The following SLC25A53 variants were observed in gnomAD, a reference collection of about 807,000 sequenced individuals.
The protein encoded by SLC25A53 is solute carrier family 25 member 53, also known as mitochondrial carrier triple repeat protein 6.
In SLC25A53, 5 loss-of-function variants were observed where a neutral mutation model predicts 15.0. The observed-to-expected ratio is 0.33, with a 90% CI of 0.17 to 0.70. The LOEUF (loss-of-function observed/expected upper bound fraction) is 0.70, where lower values mean the gene tolerates loss of function less well. Among genes scored for constraint, SLC25A53 ranks in the 30% least tolerant of loss-of-function variants. The pLI is 0.67. For missense variants in SLC25A53, 216 were observed against 241.6 expected, an observed-to-expected ratio of 0.89 and a Z score of 0.70; for synonymous variants, 95 against 100.0, an observed-to-expected ratio of 0.95 and a Z score of 0.30.
chrX:104,144,458 G>A (rs930313029), intron 1 of SLC25A53, among the ~76,000 whole-genome samples: 3 of 111,136 alleles, frequency 2.7e-5, no homozygotes, highest in Non-Finnish European at 5.7e-5. Flanking sequence ...CCTAGTCTCT[G>A]ATAAAACAGA....
chrX:104,129,856 A>ATGTGTGTG lies in SLC25A53; in HGVS notation c.-31-24569_-31-24568insCACACACA, dbSNP rs1396046247. Among the ~76,000 whole-genome samples, 4 of 50,431 alleles carry ATGTGTGTG rather than the reference A, an allele frequency of 7.9e-5. No individual in the cohort carries two copies. The East Asian group carries it at 2.4e-3, about 31-fold the overall frequency. 43.8% of individuals were successfully genotyped at this position (50,431 alleles called of 115,157 possible). A position where few individuals can be genotyped will look rare whatever the true frequency, so the allele number is the denominator to read the frequency against. ...TACAAACACATATATATCCACACAA[A>ATGTGTGTG]TGTATGTGTGTGTGTGTGTGTGTGT... On this transcript the variant is annotated intron_variant, in intron 1 of 1. Coordinates refer to ENST00000594199, the MANE Select transcript of SLC25A53 (RefSeq NM_001012755.5).
At chrX:104,138,097 G>C (rs782127160) in intron 1 of SLC25A53, among the ~76,000 whole-genome samples, 1 of 111,949 alleles carries the variant, frequency 8.9e-6, no homozygotes, top group Admixed American at 9.5e-5. Context: ...TTTATGGCTA[G>C]ACTCAGAGAT....
At chrX:104,142,920 CAAAAAAAAA>C (rs1216011123) in intron 1 of SLC25A53, among the ~76,000 whole-genome samples, 2 of 33,966 alleles carry the variant, frequency 5.9e-5, no homozygotes, top group Non-Finnish European at 1.1e-4. Context: ...GACTCCATCT[CAAAAAAAAA>C]AAAAAAAAAA....
intron 1 of SLC25A53, among the ~76,000 whole-genome samples, chrX:104,141,403 G>T (rs2075450459): frequency 1.8e-5 from 2 of 111,852 alleles, no homozygotes; most frequent in East Asian, 2.8e-4. Flanking sequence ...AAAGAAAAAT[G>T]TAAAACTCCT....
chrX:104,129,855 A>AATGT (rs1441117272), intron 1 of SLC25A53, among the ~76,000 whole-genome samples: 2 of 53,943 alleles, frequency 3.7e-5, no homozygotes, highest in Admixed American at 2.7e-4. Flanking sequence ...TATCCACACA[A>AATGT]ATGTATGTGT....
chrX:104,134,561 A>C (rs782295283), intron 1 of SLC25A53, among the ~76,000 whole-genome samples: 1 of 111,610 alleles, frequency 9.0e-6, no homozygotes, highest in East Asian at 2.8e-4. Context: ...ATATTACTTT[A>C]TCTCTCTGTT....
chrX:104,105,350 A>G (rs2075304083), intron 1 of SLC25A53, 62 bp from the exon 2 acceptor site: 1 of 800,502 alleles, frequency 1.2e-6, no homozygotes, highest in Non-Finnish European at 1.8e-6. Context: ...AAGCATTTTC[A>G]TTGCTTAATT....
At chrX:104,123,023 T>C (rs1203264275) in intron 1 of SLC25A53, among the ~76,000 whole-genome samples, 2 of 112,088 alleles carry the variant, frequency 1.8e-5, no homozygotes, top group African/African-American at 6.5e-5. Flanking sequence ...AAGAATTAAA[T>C]GAATGAACAC....
At chrX:104,115,124 G>GCC (rs1569461468) in intron 1 of SLC25A53, 1 of 1,204,046 alleles carries the variant, frequency 8.3e-7, no homozygotes, top group South Asian at 1.8e-5. Context: ...GGGAATATTC[G>GCC]TAGAGCCAGG....
intron 1 of SLC25A53, among the ~76,000 whole-genome samples, chrX:104,134,449 A>G (rs1369636963): frequency 9.0e-6 from 1 of 111,378 alleles, no homozygotes; most frequent in Non-Finnish European, 1.9e-5. Flanking sequence ...CTCACTCCCC[A>G]CATCTAATCA....
At chrX:104,115,230 G>A (rs1252785740) in intron 1 of SLC25A53, 1 of 1,203,771 alleles carries the variant, frequency 8.3e-7, no homozygotes, top group African/African-American at 1.8e-5. Flanking sequence ...AGGTTTTTGA[G>A]AATCTGATCA....
At chrX:104,146,987 A>T (rs1432722340) in intron 1 of SLC25A53, among the ~76,000 whole-genome samples, 1 of 112,024 alleles carries the variant, frequency 8.9e-6, no homozygotes, top group Admixed American at 9.5e-5. Flanking sequence ...AAGAGCCTGC[A>T]TTGCCAAGTC....
intron 1 of SLC25A53, among the ~76,000 whole-genome samples, chrX:104,150,725 G>A (rs1183440209): frequency 1.8e-5 from 2 of 111,752 alleles, no homozygotes; most frequent in African/African-American, 6.5e-5. Flanking sequence ...TCCAATCCAG[G>A]GCAAAGCCTC....
At chrX:104,154,773 G>C (rs1242366814) in intron 1 of SLC25A53, among the ~76,000 whole-genome samples, 1 of 111,822 alleles carries the variant, frequency 8.9e-6, no homozygotes, top group Non-Finnish European at 1.9e-5. Context: ...TAAAACAATG[G>C]AACCCACAAA....
At chrX:104,126,687 G>A (rs889516861) in intron 1 of SLC25A53, among the ~76,000 whole-genome samples, 5 of 111,652 alleles carry the variant, frequency 4.5e-5, no homozygotes, top group African/African-American at 1.3e-4. Context: ...ATTAGAAAAT[G>A]AGCATGAACA....
chrX:104,111,592 C>G (rs186792466), intron 1 of SLC25A53, among the ~76,000 whole-genome samples: 1 of 110,807 alleles, frequency 9.0e-6, no homozygotes, highest in Admixed American at 9.5e-5. Context: ...ATAAAGGTTG[C>G]CCTCATCTTC....
chrX:104,111,266 C>T (rs1391602493), intron 1 of SLC25A53, among the ~76,000 whole-genome samples: 6 of 111,993 alleles, frequency 5.4e-5, no homozygotes, highest in Non-Finnish European at 9.4e-5. Flanking sequence ...CAATAATCTA[C>T]ATTTATAACA....
chrX:104,133,891 C>T (rs2075431048), intron 1 of SLC25A53, among the ~76,000 whole-genome samples: 1 of 112,074 alleles, frequency 8.9e-6, no homozygotes, highest in African/African-American at 3.2e-5. Context: ...GGCCACACAT[C>T]TCCTAGCTGT....
intron 1 of SLC25A53, among the ~76,000 whole-genome samples, chrX:104,152,942 T>C (rs936797601): frequency 9.0e-6 from 1 of 111,634 alleles, no homozygotes; most frequent in Non-Finnish European, 1.9e-5. Context: ...GACAAGAGTC[T>C]AGAATGATTA....
Sources: allele counts gnomAD v4.1 joint callset (sites outside exome capture counted in the v4.1 genomes callset), GRCh38; gene constraint gnomAD v4.1.1; transcripts MANE v1.5; gene names NCBI Gene and HGNC (gene_info 2026-07-23, HGNC 2026-07-21).